MAP4K3: variants seen among roughly 807,000 people sequenced by gnomAD.
The protein encoded by MAP4K3 is mitogen-activated protein kinase kinase kinase kinase 3.
MAP4K3 carries 94 observed loss-of-function variants against 143.5 expected under a neutral mutation model. The observed-to-expected ratio is 0.65, with a 90% CI of 0.55 to 0.78. MAP4K3 has a LOEUF of 0.78. Ranked by LOEUF, MAP4K3 falls within the 30% of genes least tolerant of loss-of-function variation. The pLI is 0.00. For synonymous variants in MAP4K3, 416 were observed against 347.2 expected (o/e 1.20, Z -2.20); for missense variants, 1,077 against 1,068.1 (o/e 1.01, Z -0.12).
At chr2:39,434,577 CTAAA>C (rs1665395448) in intron 1 of MAP4K3, among the ~76,000 whole-genome samples, 1 of 152,226 alleles carries the variant, frequency 6.6e-6, no homozygotes, top group South Asian at 2.1e-4. Flanking sequence ...AAATGCTAAA[CTAAA>C]TGTGTGCCTC....
chr2:39,357,875 G>A (rs576786951), intron 2 of MAP4K3, among the ~76,000 whole-genome samples: 27 of 152,186 alleles, frequency 1.8e-4, no homozygotes, highest in Non-Finnish European at 3.1e-4. Context: ...TAGTGAAAGA[G>A]TTGCATACAG....
intron 26 of MAP4K3, among the ~76,000 whole-genome samples, chr2:39,271,097 G>A (rs562914623): frequency 6.6e-6 from 1 of 151,668 alleles, no homozygotes; most frequent in Non-Finnish European, 1.5e-5. Flanking sequence ...CAATGATCCA[G>A]GATTTAAATT....
Position 39,249,900 on chromosome 2 carries a change from T to C in MAP4K3, c.*718A>G, listed in dbSNP as rs1305996138. 1 of 152,360 alleles carries C rather than the reference T, an allele frequency of 6.6e-6. No homozygotes were observed. The highest frequency in any genetic ancestry group is 2.1e-4 in the South Asian group (1 of 4,834). The allele number at this position is 152,360 out of a possible 1,614,324, so 9.4% of individuals were successfully genotyped here. A position where few individuals can be genotyped will look rare whatever the true frequency, so the allele number is the denominator to read the frequency against. The stretch of plus-strand genomic sequence containing the variant: ...GCTTAAATATAAAAAGACCAGTTAC[T>C]ACAACATGTGGTTAATTATAATTGG... On this transcript the variant is annotated 3_prime_UTR_variant, in exon 34 of 34. Transcript: ENST00000263881.
At chr2:39,342,748 T>C (rs191779795) in intron 4 of MAP4K3, among the ~76,000 whole-genome samples, 5 of 152,054 alleles carry the variant, frequency 3.3e-5, no homozygotes, top group African/African-American at 9.6e-5. Flanking sequence ...CCAAATTCTA[T>C]GAAAAAATGA....
At chr2:39,387,797 C>G (rs1666549310) in intron 1 of MAP4K3, among the ~76,000 whole-genome samples, 1 of 152,172 alleles carries the variant, frequency 6.6e-6, no homozygotes, top group African/African-American at 2.4e-5. Context: ...TTACAATAGC[C>G]TCTCTTTTCT....
intron 1 of MAP4K3, among the ~76,000 whole-genome samples, chr2:39,404,145 G>T (rs78029462): frequency 1.3e-4 from 20 of 152,144 alleles, no homozygotes; most frequent in Non-Finnish European, 2.2e-4. Context: ...GAAAACCAGC[G>T]CATGCCCAGT....
chr2:39,428,706 A>C (rs1665178076), intron 1 of MAP4K3, among the ~76,000 whole-genome samples: 1 of 152,130 alleles, frequency 6.6e-6, no homozygotes, highest in African/African-American at 2.4e-5. Flanking sequence ...TTGGATACAT[A>C]GAAAAAATGG....
At chr2:39,279,098 C>T (rs962936176) in intron 23 of MAP4K3, among the ~76,000 whole-genome samples, 3 of 152,106 alleles carry the variant, frequency 2.0e-5, no homozygotes, top group Middle Eastern at 3.4e-3. Flanking sequence ...GACTTTAGAA[C>T]AGGAAAGAAA....
At chr2:39,365,306 T>A (rs1665889589) in intron 2 of MAP4K3, among the ~76,000 whole-genome samples, 1 of 152,200 alleles carries the variant, frequency 6.6e-6, no homozygotes, top group Admixed American at 6.5e-5. Flanking sequence ...GGAGTCTCAT[T>A]ATGATGGTAA....
intron 1 of MAP4K3, among the ~76,000 whole-genome samples, chr2:39,380,355 A>G (rs1018098262): frequency 1.3e-5 from 2 of 152,170 alleles, no homozygotes; most frequent in African/African-American, 4.8e-5. Context: ...TCTTCTGCCT[A>G]AAATAAGTCA....
rs953080817 is a variant in MAP4K3 at position 39,436,981 on chromosome 2, G to A, written c.7C>T (p.Pro3Ser). Residue 3 changes from proline (P) to serine (S), a missense_variant, in exon 1 of 34, where the codon CCC (proline) becomes TCC (serine). By Grantham distance (74) the Pro-to-Ser change is moderately conservative. This residue lies in a region of MAP4K3 where 213 missense variants were observed against 266.8 expected (regional missense o/e 0.80). Transcript: ENST00000263881. The part of the protein sequence containing the change: MN[P>S]GFDLSRRNPQ... Reference sequence around the variant, plus strand: ...TTCCGGCGGGACAAATCGAAGCCGGGGTTCATGGCGGGCCCCAGGTGCCCC... The same window carrying A: ...TTCCGGCGGGACAAATCGAAGCCGGAGTTCATGGCGGGCCCCAGGTGCCCC... 16 of 1,610,808 alleles carry A rather than the reference G, an allele frequency of 9.9e-6. No individual in the cohort carries two copies. The Admixed American group carries it at 1.2e-4, about 12-fold the overall frequency.
intron 26 of MAP4K3, among the ~76,000 whole-genome samples, chr2:39,268,182 G>T (rs1680846322): frequency 6.6e-6 from 1 of 152,016 alleles, no homozygotes; most frequent in Non-Finnish European, 1.5e-5. Flanking sequence ...AATCAATTCT[G>T]AATTTTTTTA....
At chr2:39,347,634 G>C (rs1036334660) in intron 3 of MAP4K3, among the ~76,000 whole-genome samples, 4 of 152,028 alleles carry the variant, frequency 2.6e-5, no homozygotes, top group African/African-American at 4.8e-5. Flanking sequence ...TTAACTTGTA[G>C]TGTAGTGTAG....
At chr2:39,266,050 C>T (rs200909338) in intron 27 of MAP4K3, among the ~76,000 whole-genome samples, 17 of 152,094 alleles carry the variant, frequency 1.1e-4, no homozygotes, top group Non-Finnish European at 2.2e-4. Flanking sequence ...AAAACTGTCC[C>T]GCCAAAGAAA....
chr2:39,332,458 A>G (rs1683713330), intron 7 of MAP4K3, among the ~76,000 whole-genome samples: 1 of 152,134 alleles, frequency 6.6e-6, no homozygotes, highest in Non-Finnish European at 1.5e-5. Flanking sequence ...CAATCAGAAT[A>G]TCCCCAAACT....
Position 39,280,423 on chromosome 2 carries a change from AC to A in MAP4K3, c.1630-68del, listed in dbSNP as rs1365037288. On this transcript the variant is annotated intron_variant, in intron 22 of 33. Transcript: ENST00000263881. ...AACAGTCTTTAATATATAAAATGTA[AC>A]TATTATCTATTTTAATGTGAGAGTC... 4.7e-6 allele frequency: 4 copies of A among 853,436 alleles called. No homozygotes were observed. In the East Asian group the frequency reaches 8.0e-5, roughly 17 times the overall value. The allele number at this position is 853,436 out of a possible 1,614,324, so 52.9% of individuals were successfully genotyped here. A position where few individuals can be genotyped will look rare whatever the true frequency, so the allele number is the denominator to read the frequency against.
chr2:39,377,286 GTTTCACCAATA>G (rs1666245770), intron 2 of MAP4K3, among the ~76,000 whole-genome samples: 1 of 142,704 alleles, frequency 7.0e-6, no homozygotes, highest in Admixed American at 7.5e-5. Context: ...GCTAAAACTT[GTTTCACCAATA>G]AACTCTTATT....
chr2:39,277,861 C>T (rs997839698), intron 24 of MAP4K3, among the ~76,000 whole-genome samples: 4 of 151,454 alleles, frequency 2.6e-5, no homozygotes, highest in Admixed American at 6.6e-5. Context: ...CCACCATGCT[C>T]GGCGTCATGA....
chr2:39,421,707 T>C (rs752638384), intron 1 of MAP4K3, among the ~76,000 whole-genome samples: 2 of 152,214 alleles, frequency 1.3e-5, no homozygotes, highest in Non-Finnish European at 2.9e-5. Flanking sequence ...GTTATTAATA[T>C]CTAATGTTCT....
Sources: gnomAD v4.1 joint callset for allele counts (sites outside exome capture counted in the v4.1 genomes callset) on GRCh38, gnomAD v4.1.1 for gene constraint, gnomAD v4.1.1 regional missense constraint, MANE v1.5 for transcripts, NCBI Gene and HGNC (gene_info 2026-07-23, HGNC 2026-07-21) for gene names.